The following HDAC9 variants were observed in gnomAD, a reference collection of about 807,000 sequenced individuals.
HDAC9 encodes MEF-2 interacting transcription repressor (MITR) protein.
Under a neutral mutation model 139.4 loss-of-function variants are expected in HDAC9, and 41 were observed. The ratio of observed to expected loss-of-function variants is 0.29; its 90% CI spans 0.23 to 0.38. The LOEUF is 0.38. Among genes scored for constraint, HDAC9 ranks in the 10% least tolerant of loss-of-function variants. The probability of loss-of-function intolerance (pLI) is 1.00; values close to 1 mark genes in which losing one functional copy is unlikely to be tolerated. For missense variants in HDAC9, 1,147 were observed against 1,297.0 expected, an observed-to-expected ratio of 0.88 and a Z score of 1.78; for synonymous variants, 517 against 476.2, an observed-to-expected ratio of 1.09 and a Z score of -1.12.
At chr7:18,702,293 T>C (rs963948290) in intron 12 of HDAC9, among the ~76,000 whole-genome samples, 1 of 152,182 alleles carries the variant, frequency 6.6e-6, no homozygotes. Flanking sequence ...CTTATTATCA[T>C]ACTTCAAGGA....
chr7:18,810,957 T>G (rs1341816453), intron 17 of HDAC9, among the ~76,000 whole-genome samples: 2 of 151,882 alleles, frequency 1.3e-5, no homozygotes, highest in Non-Finnish European at 3.0e-5. Flanking sequence ...CCAAATTTGT[T>G]TTTGGACATA....
intron 12 of HDAC9, among the ~76,000 whole-genome samples, chr7:18,677,263 A>AT (rs910310630): frequency 4.6e-5 from 7 of 151,662 alleles, no homozygotes; most frequent in African/African-American, 1.7e-4. Context: ...TTCAGTCTGA[A>AT]TTTTTTTTCA....
At chr7:18,313,136 A>G (rs542671482) in intron 1 of HDAC9, among the ~76,000 whole-genome samples, 169 of 152,218 alleles carry the variant, frequency 1.1e-3, no homozygotes, top group Non-Finnish European at 1.9e-3. Context: ...TTTCTTCATC[A>G]CCTGAGTTTT....
At chr7:18,461,412 G>C (rs1793836609) in intron 1 of HDAC9, among the ~76,000 whole-genome samples, 1 of 152,048 alleles carries the variant, frequency 6.6e-6, no homozygotes, top group African/African-American at 2.4e-5. Flanking sequence ...AAAATATTTT[G>C]CTTACAATTT....
rs1784750056 is a variant in HDAC9 at position 18,373,477 on chromosome 7, G to T, written c.-42+82962G>T. ...AATACAAAAAGATGTATATTTGGAG[G>T]GTCTTAGCAATGACAGTGAAAACTA... is the stretch of plus-strand genomic sequence containing the variant. On this transcript the variant is annotated intron_variant, in intron 1 of 3. Transcript: ENST00000413509. 2.0e-5 allele frequency among the ~76,000 whole-genome samples: 3 copies of T among 152,108 alleles called. No individual in the cohort carries two copies. The South Asian group carries it at 6.2e-4, about 32-fold the overall frequency.
intron 1 of HDAC9, chr7:18,327,678 A>C (rs969138659): frequency 3.3e-5 from 5 of 151,986 alleles, no homozygotes; most frequent in Non-Finnish European, 7.4e-5. Flanking sequence ...ATTAATTATC[A>C]GAAAATTGAA....
At chr7:18,621,291 C>G (rs1263748453) in intron 6 of HDAC9, among the ~76,000 whole-genome samples, 1 of 151,618 alleles carries the variant, frequency 6.6e-6, no homozygotes, top group Non-Finnish European at 1.5e-5. Flanking sequence ...CTACATAACA[C>G]AAAGGGAACA....
intron 1 of HDAC9, among the ~76,000 whole-genome samples, chr7:18,340,444 T>C (rs1237205569): frequency 6.6e-6 from 1 of 151,626 alleles, no homozygotes; most frequent in African/African-American, 2.4e-5. Flanking sequence ...TGTTCCCTTT[T>C]TACTTTTGTA....
chr7:18,254,760 G>A (rs1795126125), intron 2 of HDAC9, among the ~76,000 whole-genome samples: 1 of 152,044 alleles, frequency 6.6e-6, no homozygotes, highest in African/African-American at 2.4e-5. Flanking sequence ...TTTAAATCTG[G>A]CAGTTTAGAG....
intron 12 of HDAC9, among the ~76,000 whole-genome samples, chr7:18,681,444 AT>A (rs1459366703): frequency 1.3e-5 from 2 of 151,976 alleles, no homozygotes; most frequent in Non-Finnish European, 2.9e-5. Flanking sequence ...ATTTGTTATT[AT>A]TATATTTCTT....
At chr7:18,096,125 C>A (rs1190153103) in intron 1 of HDAC9, among the ~76,000 whole-genome samples, 1 of 152,174 alleles carries the variant, frequency 6.6e-6, no homozygotes, top group Non-Finnish European at 1.5e-5. Context: ...AATTCTAAAT[C>A]AAATCTGTAA....
chr7:18,685,858 A>G (rs577171737), intron 12 of HDAC9, among the ~76,000 whole-genome samples: 1 of 152,148 alleles, frequency 6.6e-6, no homozygotes, highest in African/African-American at 2.4e-5. Flanking sequence ...ACTATTAAAA[A>G]TAGTGTAGAA....
chr7:18,087,927 G>C (rs984889038), intron 1 of HDAC9: 1 of 152,262 alleles, frequency 6.6e-6, no homozygotes, highest in Non-Finnish European at 1.5e-5. Context: ...TGATGTGACA[G>C]AGCGGGACTG....
chr7:18,581,319 CAA>C (rs1441212932), intron 2 of HDAC9, among the ~76,000 whole-genome samples: 1 of 152,060 alleles, frequency 6.6e-6, no homozygotes, highest in Non-Finnish European at 1.5e-5. Flanking sequence ...TATTTATAAT[CAA>C]GAGCAGTTTT....
chr7:18,617,636 C>T (rs889428286), intron 6 of HDAC9, among the ~76,000 whole-genome samples: 1 of 152,144 alleles, frequency 6.6e-6, no homozygotes, highest in African/African-American at 2.4e-5. Flanking sequence ...CCCAAATATG[C>T]CCTGACATAT....
chr7:18,668,734 C>T, intron 12 of HDAC9: 1 of 976,574 alleles, frequency 1.0e-6, no homozygotes. Context: ...TAATTTACAC[C>T]CTTGAAGGTG....
At chr7:18,462,135 T>A (rs1370503437) in intron 1 of HDAC9, among the ~76,000 whole-genome samples, 1 of 152,120 alleles carries the variant, frequency 6.6e-6, no homozygotes, top group African/African-American at 2.4e-5. Context: ...ATCTGGAAAT[T>A]ATGACTATCA....
At chr7:18,357,785 G>T (rs1048093769) in intron 1 of HDAC9, among the ~76,000 whole-genome samples, 1 of 152,104 alleles carries the variant, frequency 6.6e-6, no homozygotes, top group Non-Finnish European at 1.5e-5. Context: ...GCTTGTTGCA[G>T]AAACTGAACT....
chr7:18,800,810 A>G (rs1385874006), intron 17 of HDAC9, among the ~76,000 whole-genome samples: 1 of 152,026 alleles, frequency 6.6e-6, no homozygotes, highest in Non-Finnish European at 1.5e-5. Context: ...TCCAGCCTGG[A>G]AGACAGAGCG....
Sources: gnomAD v4.1 joint callset for allele counts (sites outside exome capture counted in the v4.1 genomes callset) on GRCh38, gnomAD v4.1.1 for gene constraint, MANE v1.5 for transcripts, NCBI Gene and HGNC (gene_info 2026-07-23, HGNC 2026-07-21) for gene names.